Variants in CFAP77 observed in about 807,000 individuals in gnomAD.
The protein encoded by CFAP77 is cilia and flagella associated protein 77, also known as cilia- and flagella-associated protein 77.
CFAP77 carries 25 observed loss-of-function variants against 31.1 expected under a neutral mutation model. The observed-to-expected ratio is 0.80, with a 90% CI of 0.59 to 1.12. The LOEUF (loss-of-function observed/expected upper bound fraction) is 1.12. Among genes scored for constraint, CFAP77 ranks in the 50% most tolerant of loss-of-function variants. The probability of loss-of-function intolerance (pLI) is 0.00; values close to 1 mark genes in which losing one functional copy is unlikely to be tolerated. For missense variants in CFAP77, 377 were observed against 397.3 expected (o/e 0.95, Z 0.44); for synonymous variants, 151 against 159.9 (o/e 0.94, Z 0.42).
intron 1 of CFAP77, among the ~76,000 whole-genome samples, chr9:132,470,640 T>C (rs996599575): frequency 1.3e-5 from 2 of 152,266 alleles, no homozygotes; most frequent in South Asian, 4.1e-4. Context: ...TGATGTGTGA[T>C]GGACACAGCA....
At chr9:132,414,737 T>A (rs1299336470) in intron 1 of CFAP77, among the ~76,000 whole-genome samples, 1 of 152,176 alleles carries the variant, frequency 6.6e-6, no homozygotes, top group Non-Finnish European at 1.5e-5. Context: ...CCTCCTCGGC[T>A]CCTAAATGCT....
intron 1 of CFAP77, among the ~76,000 whole-genome samples, chr9:132,488,744 G>A (rs1851604752): frequency 6.6e-6 from 1 of 152,256 alleles, no homozygotes; most frequent in Non-Finnish European, 1.5e-5. Context: ...GGGGCTGCCA[G>A]CCCGGCTTGG....
At chr9:132,505,517 G>A (rs960630637) in intron 3 of CFAP77, among the ~76,000 whole-genome samples, 1 of 151,964 alleles carries the variant, frequency 6.6e-6, no homozygotes, top group African/African-American at 2.4e-5. Context: ...ACTGGGGGCC[G>A]TGTAGACATA....
At chr9:132,487,335 C>G (rs1391285009) in intron 1 of CFAP77, among the ~76,000 whole-genome samples, 1 of 152,142 alleles carries the variant, frequency 6.6e-6, no homozygotes. Context: ...CAATTCTCCT[C>G]CATGACCCCT....
At chr9:132,439,478 G>T (rs1023795593) in intron 1 of CFAP77, among the ~76,000 whole-genome samples, 1 of 152,088 alleles carries the variant, frequency 6.6e-6, no homozygotes, top group African/African-American at 2.4e-5. Context: ...GCTCTCTGTG[G>T]TCTGATTTAG....
At chr9:132,453,238 A>G (rs958221705) in intron 1 of CFAP77, among the ~76,000 whole-genome samples, 1 of 152,148 alleles carries the variant, frequency 6.6e-6, no homozygotes, top group Admixed American at 6.5e-5. Context: ...TAAAAAGCCA[A>G]TATAGGCCGG....
chr9:132,480,562 T>C lies in CFAP77; in HGVS notation c.196-18133T>C, dbSNP rs1445987883. On this transcript the variant is annotated intron_variant, in intron 1 of 5. Transcript: ENST00000393216. This position sits in a 1 kb window ranked among gnomAD's most constrained non-coding sequence, Gnocchi z 5.8. ...CAAATGAGACAGGTCTGTCCCGTGC[T>C]CACCCAGCTGACCTGCCGCAGAGTG... Among the ~76,000 whole-genome samples the C allele has an allele frequency of 6.6e-6, 1 of 152,172 alleles. No individual in the cohort carries two copies. Among genetic ancestry groups the C allele is most frequent in the African/African-American group, 2.4e-5 (1 of 41,438 alleles).
intron 1 of CFAP77, among the ~76,000 whole-genome samples, chr9:132,418,360 C>T (rs144155648): frequency 6.6e-6 from 1 of 152,286 alleles, no homozygotes; most frequent in Non-Finnish European, 1.5e-5. Context: ...TCCTCTGGTC[C>T]CAAATGTCAA....
At chr9:132,456,501 G>T (rs777217998) in intron 1 of CFAP77, among the ~76,000 whole-genome samples, 1 of 152,226 alleles carries the variant, frequency 6.6e-6, no homozygotes, top group African/African-American at 2.4e-5. Flanking sequence ...CAGGGGCAGT[G>T]CCTTCTAGCC....
chr9:132,437,433 G>A (rs566924203), intron 1 of CFAP77, among the ~76,000 whole-genome samples: 1 of 151,598 alleles, frequency 6.6e-6, no homozygotes, highest in South Asian at 2.1e-4. Context: ...AGTCGTGGAT[G>A]TCACAGTAGA....
Position 132,514,773 on chromosome 9 carries a change from C to T in CFAP77, c.524+15173C>T, listed in dbSNP as rs986124500. 6.6e-5 allele frequency among the ~76,000 whole-genome samples: 10 copies of T among 152,338 alleles called. No individual in the cohort carries two copies. In the East Asian group the frequency reaches 1.9e-3, roughly 29 times the overall value. ...TCCACAAACAATTAAAAAGTAGCCA[C>T]AAGCCCAGAGGTCCTCTTCTCTAAT... On this transcript the variant is annotated intron_variant, in intron 3 of 5. Transcript: ENST00000393216.
rs549156974 is a variant in CFAP77, at chr9:132,550,393, C to A, written c.732+7346C>A. Among the ~76,000 whole-genome samples, 5 of 152,234 alleles carry A rather than the reference C, an allele frequency of 3.3e-5. No individual in the cohort carries two copies. The East Asian group carries it at 9.6e-4, about 29-fold the overall frequency. On this transcript the variant is annotated intron_variant, in intron 5 of 5. Coordinates refer to ENST00000393216, the MANE Select transcript of CFAP77 (RefSeq NM_001282957.2). ...TGGGAGTTGATGGAATTTGGGGGGT[C>A]CCCAATTTCTTCTTCCGACTTCTAG... is the stretch of plus-strand genomic sequence containing the variant.
At chr9:132,525,267 G>C (rs759801840) in intron 3 of CFAP77, among the ~76,000 whole-genome samples, 1 of 152,064 alleles carries the variant, frequency 6.6e-6, no homozygotes, top group African/African-American at 2.4e-5. Context: ...TGATCCACCC[G>C]CGTTGGCCTC....
intron 1 of CFAP77, among the ~76,000 whole-genome samples, chr9:132,434,168 A>G (rs1488913567): frequency 6.6e-6 from 1 of 151,824 alleles, no homozygotes; most frequent in South Asian, 2.1e-4. Context: ...AAAATAAAAT[A>G]AAATAAATAA....
chr9:132,502,773 ACAC>A (rs1228407142), intron 3 of CFAP77, among the ~76,000 whole-genome samples: 1 of 152,186 alleles, frequency 6.6e-6, no homozygotes, highest in Non-Finnish European at 1.5e-5. Flanking sequence ...ACGTGGACGG[ACAC>A]GTGTCTGTTC....
chr9:132,555,723 G>T (rs1288097201), intron 5 of CFAP77, among the ~76,000 whole-genome samples: 1 of 152,078 alleles, frequency 6.6e-6, no homozygotes, highest in Non-Finnish European at 1.5e-5. Context: ...ATCAGCTGAC[G>T]TGCCTCCCGC....
intron 5 of CFAP77, among the ~76,000 whole-genome samples, chr9:132,548,281 G>T (rs1435928087): frequency 7.4e-6 from 1 of 135,622 alleles, no homozygotes; most frequent in Admixed American, 7.3e-5. Flanking sequence ...GGGCGGGGGG[G>T]TGGGGGGTGA....
At chr9:132,430,525 G>T (rs1850395132) in intron 1 of CFAP77, among the ~76,000 whole-genome samples, 1 of 152,162 alleles carries the variant, frequency 6.6e-6, no homozygotes, top group African/African-American at 2.4e-5. Context: ...AATGACCAGA[G>T]CTATCCTGTG....
At chr9:132,550,519 CTTT>C (rs766424349) in intron 5 of CFAP77, among the ~76,000 whole-genome samples, 70 of 102,802 alleles carry the variant, frequency 6.8e-4, no homozygotes, top group African/African-American at 2.2e-3. Context: ...TCCCTTGAAG[CTTT>C]TTTTTTTTTT....
Sources: gnomAD v4.1 joint callset for allele counts (sites outside exome capture counted in the v4.1 genomes callset) on GRCh38, gnomAD v4.1.1 for gene constraint, Gnocchi (gnomAD v3.1) non-coding constraint, MANE v1.5 for transcripts, NCBI Gene and HGNC (gene_info 2026-07-23, HGNC 2026-07-21) for gene names.